PPP2R3A: variants seen among roughly 807,000 people sequenced by gnomAD.
The protein encoded by PPP2R3A is serine/threonine-protein phosphatase 2A regulatory subunit B'' subunit alpha.
A neutral mutation model predicts 106.9 loss-of-function variants in PPP2R3A; 80 were observed. The observed-to-expected ratio is 0.75, with a 90% CI of 0.62 to 0.90. PPP2R3A has a LOEUF of 0.90. Ranked by LOEUF, PPP2R3A falls within the 40% of genes least tolerant of loss-of-function variation. The pLI is 0.00. For synonymous variants in PPP2R3A, 483 were observed against 468.3 expected, an observed-to-expected ratio of 1.03 and a Z score of -0.41; for missense variants, 1,386 against 1,350.4, an observed-to-expected ratio of 1.03 and a Z score of -0.41.
intron 5 of PPP2R3A, among the ~76,000 whole-genome samples, chr3:136,067,154 A>C (rs1249698858): frequency 6.6e-6 from 1 of 152,252 alleles, no homozygotes; most frequent in African/African-American, 2.4e-5. Flanking sequence ...TGCAGATGAC[A>C]GTAAAGTTTG....
At chr3:136,093,940 T>A (rs1375732412) in intron 10 of PPP2R3A, among the ~76,000 whole-genome samples, 1 of 152,222 alleles carries the variant, frequency 6.6e-6, no homozygotes, top group Non-Finnish European at 1.5e-5. Flanking sequence ...GTACACCCAT[T>A]TTCATAGCAG....
In PPP2R3A at chr3:136,146,028, A is replaced by G. The variant is rs1259780281; in HGVS notation, c.*862A>G. 6.6e-6 allele frequency: 1 copy of G among 152,206 alleles called. No individual in the cohort carries two copies. Among genetic ancestry groups the G allele is most frequent in the African/African-American group, 2.4e-5 (1 of 41,450 alleles). The allele number at this position is 152,206 out of a possible 1,614,324, so 9.4% of individuals were successfully genotyped here. A position where few individuals can be genotyped will look rare whatever the true frequency, so the allele number is the denominator to read the frequency against. On this transcript the variant is annotated 3_prime_UTR_variant, in exon 14 of 14. Coordinates refer to ENST00000264977, the MANE Select transcript of PPP2R3A (RefSeq NM_002718.5). ...GACATAAAGGAATAATGATACATTAAAATTCTTACTAGATAGATATATTCC... is the reference window on the plus strand; with the variant it reads ...GACATAAAGGAATAATGATACATTAGAATTCTTACTAGATAGATATATTCC...
chr3:136,015,997 G>A (rs1934254441), intron 2 of PPP2R3A, among the ~76,000 whole-genome samples: 2 of 152,042 alleles, frequency 1.3e-5, no homozygotes, highest in South Asian at 2.1e-4. Context: ...CTGTATCCCC[G>A]AGGTTTTGAT....
At chr3:136,043,497 T>G (rs1256849542) in intron 4 of PPP2R3A, among the ~76,000 whole-genome samples, 4 of 152,160 alleles carry the variant, frequency 2.6e-5, no homozygotes, top group Non-Finnish European at 1.5e-5. Context: ...TTCTCTCATG[T>G]CAGACTGCTC....
intron 1 of PPP2R3A, among the ~76,000 whole-genome samples, chr3:135,973,429 A>G (rs1160106345): frequency 6.6e-6 from 1 of 152,218 alleles, no homozygotes; most frequent in Admixed American, 6.5e-5. Flanking sequence ...CTCTTAGTGC[A>G]TAGTGAATCA....
chr3:136,048,072 A>AC, intron 4 of PPP2R3A, among the ~76,000 whole-genome samples: 1 of 152,146 alleles, frequency 6.6e-6, no homozygotes, highest in East Asian at 1.9e-4. Context: ...TTTGTAACAA[A>AC]CCCGTACATG....
At chr3:136,011,945 A>C (rs980900949) in intron 2 of PPP2R3A, among the ~76,000 whole-genome samples, 1 of 151,340 alleles carries the variant, frequency 6.6e-6, no homozygotes, top group African/African-American at 2.4e-5. Flanking sequence ...CTGTGAGTTC[A>C]ACTCCCACCC....
At chr3:136,108,913 G>C (rs1937556450) in intron 13 of PPP2R3A, among the ~76,000 whole-genome samples, 1 of 152,052 alleles carries the variant, frequency 6.6e-6, no homozygotes. Flanking sequence ...TCAAACATAC[G>C]AGAACTAGAG....
At chr3:135,989,036 ATTTTTT>A (rs910769629) in intron 1 of PPP2R3A, among the ~76,000 whole-genome samples, 2 of 151,234 alleles carry the variant, frequency 1.3e-5, no homozygotes, top group East Asian at 3.9e-4. Flanking sequence ...GGTGAATGCT[ATTTTTT>A]TTTAACGCTG....
intron 7 of PPP2R3A, chr3:136,079,351 A>G (rs1576486040): frequency 4.5e-6 from 1 of 222,190 alleles, no homozygotes; most frequent in African/African-American, 2.3e-5. Context: ...ATAATCCCCC[A>G]CTTTCCTGAA....
chr3:136,087,609 A>G, intron 8 of PPP2R3A: 1 of 290,952 alleles, frequency 3.4e-6, no homozygotes, highest in Non-Finnish European at 6.3e-6. Flanking sequence ...ATCAAAACAA[A>G]TCCTATATAT....
At chr3:136,027,202 GCT>G in intron 3 of PPP2R3A, 104 bp downstream of exon 3, 1 of 1,069,722 alleles carries the variant, frequency 9.3e-7, no homozygotes, top group Non-Finnish European at 1.3e-6. Flanking sequence ...CTGCCTCTTT[GCT>G]CTGTTTTTAA....
Position 136,002,952 on chromosome 3 carries a change from G to A in PPP2R3A, c.1454G>A (p.Cys485Tyr). ...TTTGTTAATCTACCTAAGGAAGACT[G>A]TAAATCAAAAGTTTCTAAATTTGAA... is the stretch of plus-strand genomic sequence containing the variant. Reference protein sequence around the residue: ...KSFVNLPKEDCKSKVSKFEEG... With the variant: ...KSFVNLPKEDYKSKVSKFEEG... The change falls in exon 2 of 14, where the codon TGT becomes TAT. Residue 485 changes from cysteine (C) to tyrosine (Y), a missense_variant. Cys to Tyr is a radical substitution (Grantham distance 194, BLOSUM62 -2). Transcript: ENST00000264977. 1.2e-6 allele frequency: 2 copies of A among 1,612,432 alleles called. No individual in the cohort carries two copies. Among genetic ancestry groups the A allele is most frequent in the East Asian group, 2.2e-5 (1 of 44,868 alleles).
intron 3 of PPP2R3A, among the ~76,000 whole-genome samples, chr3:136,037,192 T>G (rs1935113312): frequency 6.6e-6 from 1 of 152,362 alleles, no homozygotes; most frequent in Non-Finnish European, 1.5e-5. Context: ...TAGAAAACTC[T>G]GTGTTTATGG....
chr3:136,002,525 T>G lies in PPP2R3A; in HGVS notation c.1027T>G (p.Ser343Ala). Residue 343 changes from serine (S) to alanine (A), a missense_variant, in exon 2 of 14, where the codon TCT becomes GCT. By Grantham distance (99) the Ser-to-Ala change is moderately conservative. Transcript: ENST00000264977. ...TGAAGATGTTGTCCAGCTCTCAGCT[T>G]CTGACTCTGGACGATTTCAAACTAT... Reference protein sequence around the residue: ...KYEDVVQLSASDSGRFQTIEL... With the variant: ...KYEDVVQLSAADSGRFQTIEL... 6.2e-7 allele frequency: 1 copy of G among 1,614,064 alleles called. No individual in the cohort carries two copies. The highest frequency in any genetic ancestry group is 8.5e-7 in the Non-Finnish European group (1 of 1,179,938).
chr3:136,069,954 C>A lies in PPP2R3A; in HGVS notation c.2470-524C>A, dbSNP rs141562875. On this transcript the variant is annotated intron_variant, in intron 5 of 13. Coordinates refer to ENST00000264977, the MANE Select transcript of PPP2R3A (RefSeq NM_002718.5). ...TAATGTGAGAAATGATTTATCCACA[C>A]AATTATGATAAAATCTGATGGGCAT... Among the ~76,000 whole-genome samples, 348 of 152,224 alleles carry A rather than the reference C, an allele frequency of 2.3e-3. 3 individuals are homozygous for A. Among genetic ancestry groups the A allele is most frequent in the African/African-American group, 8.3e-3 (343 of 41,538 alleles).
chr3:136,049,101 C>G (rs1576461944), intron 4 of PPP2R3A, among the ~76,000 whole-genome samples, 158 bp from the exon 5 acceptor site: 1 of 152,336 alleles, frequency 6.6e-6, no homozygotes, highest in East Asian at 1.9e-4. Flanking sequence ...ACCTTATAGA[C>G]AGCTCATCAT....
intron 2 of PPP2R3A, among the ~76,000 whole-genome samples, chr3:136,008,398 A>G (rs1354000122): frequency 6.6e-6 from 1 of 152,174 alleles, no homozygotes; most frequent in Non-Finnish European, 1.5e-5. Context: ...AAAAGTAAAC[A>G]CATCTGCCTG....
intron 2 of PPP2R3A, among the ~76,000 whole-genome samples, chr3:136,015,064 C>T (rs7433592): frequency 0.32 from 48,787 of 151,908 alleles, 8,581 homozygotes; most frequent in African/African-American, 0.47. Context: ...ATGCTTTTCC[C>T]GCATCTATTT....
Sources: gnomAD v4.1 joint callset for allele counts (sites outside exome capture counted in the v4.1 genomes callset) on GRCh38, gnomAD v4.1.1 for gene constraint, MANE v1.5 for transcripts, NCBI Gene and HGNC (gene_info 2026-07-23, HGNC 2026-07-21) for gene names.